Variants in ETS2 observed in about 807,000 individuals in gnomAD.
The protein encoded by ETS2 is protein C-ets-2.
Under a neutral mutation model 54.9 loss-of-function variants are expected in ETS2, and 19 were observed. That is an observed-to-expected ratio of 0.35 (90% CI 0.24 to 0.51). The LOEUF is 0.51. Ranked by LOEUF, ETS2 falls within the 20% of genes least tolerant of loss-of-function variation. ETS2 has a pLI of 0.97. For synonymous variants in ETS2, 219 were observed against 229.3 expected, an observed-to-expected ratio of 0.95 and a Z score of 0.41; for missense variants, 417 against 593.0, an observed-to-expected ratio of 0.70 and a Z score of 3.08.
In ETS2 at chr21:38,822,969, C is replaced by A; in HGVS notation, c.*80C>A. 8.8e-7 allele frequency: 1 copy of A among 1,135,016 alleles called. No homozygotes were observed. The highest frequency in any genetic ancestry group is 1.2e-6 in the Non-Finnish European group (1 of 830,312). 70.3% of individuals were successfully genotyped at this position (1,135,016 alleles called of 1,614,324 possible). On this transcript the variant is annotated 3_prime_UTR_variant, in exon 10 of 10. Coordinates refer to ENST00000360938, the MANE Select transcript of ETS2 (RefSeq NM_005239.6). ...CATCCTGACCAGCTGCTCCGAGGAC[C>A]CAGGAAAGGCAGGATTGAAAATGTC...
Position 38,805,998 on chromosome 21 carries a change from G to C in ETS2, c.-123G>C, listed in dbSNP as rs2060890712. The C allele has an allele frequency of 7.9e-7, 1 of 1,263,436 alleles. No individual in the cohort carries two copies. The highest frequency in any genetic ancestry group is 1.6e-5 in the African/African-American group (1 of 62,548). The allele number at this position is 1,263,436 out of a possible 1,614,324, so 78.3% of individuals were successfully genotyped here. A position where few individuals can be genotyped will look rare whatever the true frequency, so the allele number is the denominator to read the frequency against. On this transcript the variant is annotated 5_prime_UTR_variant, in exon 1 of 10. Coordinates refer to ENST00000360938, the MANE Select transcript of ETS2 (RefSeq NM_005239.6). This position sits in a 1 kb window ranked among gnomAD's most constrained non-coding sequence, Gnocchi z 5.2. Reference sequence around the variant, plus strand: ...CAGAGCTCCCGGAGCCGCCCGGCCAGCGTCCGGCCTCCCTGATCGTCTCTG... The same window carrying C: ...CAGAGCTCCCGGAGCCGCCCGGCCACCGTCCGGCCTCCCTGATCGTCTCTG...
At chr21:38,805,557 G>A, upstream of ETS2, 5 of 1,283,408 alleles carry the variant, frequency 3.9e-6, no homozygotes, top group Non-Finnish European at 5.1e-6. This position sits in a 1 kb window ranked among gnomAD's most constrained non-coding sequence, Gnocchi z 5.2. Context: ...CCCTGCTCCC[G>A]GGGCCTCAGG....
chr21:38,819,541 G>A lies in ETS2; in HGVS notation c.850G>A (p.Asp284Asn), dbSNP rs1320107796. ...CCACGACTCCCCTGAGAACGGTGCG[G>A]ACAGCTTCGAGAGCTCAGACTCCCT... is the stretch of plus-strand genomic sequence containing the variant. ...KDHDSPENGA[D>N]SFESSDSLLQ... Residue 284 changes from aspartate to asparagine, a missense_variant, in exon 8 of 10, where the codon GAC becomes AAC. Asp to Asn is a conservative substitution (Grantham distance 23). Transcript: ENST00000360938. 1 of 1,614,172 alleles carries A rather than the reference G, an allele frequency of 6.2e-7. No individual in the cohort carries two copies. Among genetic ancestry groups the A allele is most frequent in the Admixed American group, 1.7e-5 (1 of 60,028 alleles).
intron 2 of ETS2, among the ~76,000 whole-genome samples, chr21:38,811,708 A>G (rs1286781209): frequency 6.6e-6 from 1 of 152,264 alleles, no homozygotes; most frequent in Non-Finnish European, 1.5e-5. Context: ...AGATGCTCAG[A>G]AATCGAGTTA....
At chr21:38,819,251 G>C (rs1044481002) in intron 7 of ETS2, among the ~76,000 whole-genome samples, 1 of 152,202 alleles carries the variant, frequency 6.6e-6, no homozygotes, top group Non-Finnish European at 1.5e-5. Flanking sequence ...GCAGCCATGT[G>C]TTCTTTTTCA....
intron 5 of ETS2, among the ~76,000 whole-genome samples, chr21:38,815,847 G>A (rs2060930773): frequency 6.7e-6 from 1 of 150,130 alleles, no homozygotes. Flanking sequence ...GCCTGAGGCA[G>A]GAGAATCCCT....
intron 8 of ETS2, 58 bp downstream of exon 8, chr21:38,819,824 T>C: frequency 1.3e-6 from 2 of 1,535,196 alleles, no homozygotes; most frequent in Non-Finnish European, 1.8e-6. Context: ...GTCCCTTGCT[T>C]CCTTTCGAGC....
rs3065531 is a variant in ETS2, at chr21:38,815,175, A to AGTGTGTGTGTGTGTGT, written c.505+207_505+222dup. 2.5e-4 allele frequency among the ~76,000 whole-genome samples: 37 copies of AGTGTGTGTGTGTGTGT among 149,808 alleles called. 1 individual carries two copies. The highest frequency in any genetic ancestry group is 8.9e-4 in the African/African-American group (36 of 40,532). Reference sequence around the variant, plus strand: ...ATAGATTTTTATCCCACTTTATGTGAGTGTGTGTGTGTGTGTGTGTGTGTG... The same window carrying AGTGTGTGTGTGTGTGT: ...ATAGATTTTTATCCCACTTTATGTGAGTGTGTGTGTGTGTGTGTGTGTGTGTGTGTGTGTGTGTGTG... On this transcript the variant is annotated intron_variant, in intron 5 of 9. Coordinates refer to ENST00000360938, the MANE Select transcript of ETS2 (RefSeq NM_005239.6).
chr21:38,822,706 G>A lies in ETS2; in HGVS notation c.1227G>A (p.Lys409=). 3 of 1,614,082 alleles carry A rather than the reference G, an allele frequency of 1.9e-6. No homozygotes were observed. The highest frequency in any genetic ancestry group is 2.5e-6 in the Non-Finnish European group (3 of 1,180,006). ...VARRWGKRKN[K]PKMNYEKLSR... ...GCCGGTGGGGAAAGAGGAAAAATAA[G>A]CCCAAGATGAACTACGAGAAGCTGA... The change falls in exon 10 of 10, where the codon AAG becomes AAA. Residue 409 remains lysine (K), a synonymous_variant. Coordinates refer to ENST00000360938, the MANE Select transcript of ETS2 (RefSeq NM_005239.6).
At position 38,818,430 on chromosome 21, in the gene ETS2, G is replaced by A; in HGVS notation, c.595G>A (p.Gly199Ser). The A allele has an allele frequency of 6.2e-7, 1 of 1,614,054 alleles. No homozygotes were observed. The highest frequency in any genetic ancestry group is 1.1e-5 in the South Asian group (1 of 91,070). ...HWINSNTLGF[G>S]TEQAPYGMQT... ...GTCCGATTGTTCTGTTCCAGGTTTT[G>A]GCACAGAGCAGGCGCCCTATGGAAT... Residue 199 changes from glycine (G) to serine (S), a missense_variant, in exon 7 of 10, where the codon GGC (glycine) becomes AGC (serine). Around this residue, in one of 3 missense-constraint regions of ETS2, gnomAD observed 326 missense variants for 426.1 expected, o/e 0.76. Coordinates refer to ENST00000360938, the MANE Select transcript of ETS2 (RefSeq NM_005239.6).
intron 2 of ETS2, among the ~76,000 whole-genome samples, chr21:38,812,221 C>G (rs2060916436): frequency 6.6e-6 from 1 of 151,646 alleles, no homozygotes; most frequent in Non-Finnish European, 1.5e-5. Flanking sequence ...TTTGATTTTT[C>G]AGTGTTTATC....
intron 7 of ETS2, 68 bp downstream of exon 7, chr21:38,818,714 C>T: frequency 6.5e-7 from 1 of 1,546,772 alleles, no homozygotes; most frequent in African/African-American, 1.4e-5. Context: ...CCATAATGAA[C>T]CTCTTAATAA....
chr21:38,805,940 C>T lies in ETS2; in HGVS notation c.-181C>T, dbSNP rs2060890354. On this transcript the variant is annotated 5_prime_UTR_variant, in exon 1 of 10. Transcript: ENST00000360938. The surrounding 1 kb of genome is among the most constrained non-coding windows in gnomAD (Gnocchi z 5.2). The stretch of plus-strand genomic sequence containing the variant: ...GTGGGGGACGGCCCGGTTACTTCCT[C>T]CAGAGACTGACGAGTGCGGTGTCGC... 8 of 1,268,196 alleles carry T rather than the reference C, an allele frequency of 6.3e-6. No homozygotes were observed. The highest frequency in any genetic ancestry group is 8.2e-6 in the Non-Finnish European group (8 of 980,868). 78.6% of individuals were successfully genotyped at this position (1,268,196 alleles called of 1,614,324 possible). A position where few individuals can be genotyped will look rare whatever the true frequency, so the allele number is the denominator to read the frequency against.
At position 38,814,919 on chromosome 21, in the gene ETS2, T is replaced by A. The variant is rs1229721854; in HGVS notation, c.443T>A (p.Leu148Gln). Reference protein sequence around the residue: ...MLCNLGKERFLELAPDFVGDI... With the variant: ...MLCNLGKERFQELAPDFVGDI... ...TGTAACCTTGGCAAGGAACGCTTTCTGGAGCTGGCACCTGACTTTGTGGGT... is the reference window on the plus strand; with the variant it reads ...TGTAACCTTGGCAAGGAACGCTTTCAGGAGCTGGCACCTGACTTTGTGGGT... Residue 148 changes from leucine to glutamine, a missense_variant, in exon 5 of 10, where the codon CTG (leucine) becomes CAG (glutamine). Coordinates refer to ENST00000360938, the MANE Select transcript of ETS2 (RefSeq NM_005239.6). The surrounding 1 kb of genome is among the most constrained non-coding windows in gnomAD (Gnocchi z 4.2). 6.2e-7 allele frequency: 1 copy of A among 1,614,224 alleles called. No homozygotes were observed. Among genetic ancestry groups the A allele is most frequent in the Non-Finnish European group, 8.5e-7 (1 of 1,180,042 alleles).
intron 2 of ETS2, among the ~76,000 whole-genome samples, chr21:38,812,775 G>A (rs2060918640): frequency 1.5e-5 from 2 of 133,316 alleles, no homozygotes; most frequent in African/African-American, 5.4e-5. Context: ...AGTAAGACCT[G>A]TCTCAAAATA....
chr21:38,806,374 C>A lies in ETS2; in HGVS notation c.-1+254C>A. The A allele has an allele frequency of 3.0e-6, 3 of 984,510 alleles. No individual in the cohort carries two copies. The highest frequency in any genetic ancestry group is 3.6e-6 in the Non-Finnish European group (3 of 829,080). The allele number at this position is 984,510 out of a possible 1,614,324, so 61.0% of individuals were successfully genotyped here. A position where few individuals can be genotyped will look rare whatever the true frequency, so the allele number is the denominator to read the frequency against. On this transcript the variant is annotated intron_variant, in intron 1 of 9. Transcript: ENST00000360938. The surrounding 1 kb of genome is among the most constrained non-coding windows in gnomAD (Gnocchi z 4.3). Reference sequence around the variant, plus strand: ...CCGGGGGGTTCCTGCGTGCTAGGGCCGCTGTCTTCGGGGTCGCCTAGCGGC... The same window carrying A: ...CCGGGGGGTTCCTGCGTGCTAGGGCAGCTGTCTTCGGGGTCGCCTAGCGGC...
Position 38,817,061 on chromosome 21 carries a change from G to A in ETS2, c.559G>A (p.Val187Ile), listed in dbSNP as rs372145357. Reference sequence around the variant, plus strand: ...TGAAGAAAATTCACACCTCACCTCCGTTCCTCATTGGATTAACAGCAATAC... The same window carrying A: ...TGAAGAAAATTCACACCTCACCTCCATTCCTCATTGGATTAACAGCAATAC... ...QYEENSHLTS[V>I]PHWINSNTLG... The change falls in exon 6 of 10, where the codon GTT becomes ATT. Residue 187 changes from valine (V) to isoleucine (I), a missense_variant. Physicochemically the swap from Val to Ile is conservative, Grantham distance 29. Coordinates refer to ENST00000360938, the MANE Select transcript of ETS2 (RefSeq NM_005239.6). 26 of 1,612,012 alleles carry A rather than the reference G, an allele frequency of 1.6e-5. No individual in the cohort carries two copies. In the African/African-American group the frequency reaches 2.1e-4, roughly 13 times the overall value.
chr21:38,807,982 GAGC>G (rs898586768), intron 1 of ETS2, among the ~76,000 whole-genome samples: 3 of 152,204 alleles, frequency 2.0e-5, no homozygotes. Context: ...CTAGAGGAAG[GAGC>G]ATTTCACATT....
At position 38,823,095 on chromosome 21, in the gene ETS2, C is replaced by T; in HGVS notation, c.*206C>T. 2.3e-6 allele frequency: 1 copy of T among 431,094 alleles called. No individual in the cohort carries two copies. Among genetic ancestry groups the T allele is most frequent in the Non-Finnish European group, 4.1e-6 (1 of 245,322 alleles). 26.7% of individuals were successfully genotyped at this position (431,094 alleles called of 1,614,324 possible). On this transcript the variant is annotated 3_prime_UTR_variant, in exon 10 of 10. Coordinates refer to ENST00000360938, the MANE Select transcript of ETS2 (RefSeq NM_005239.6). Reference sequence around the variant, plus strand: ...CAGCAACGGCACAGCTAATTCTACTCACAGTGCTTTTAAGTGAAAATGGTC... The same window carrying T: ...CAGCAACGGCACAGCTAATTCTACTTACAGTGCTTTTAAGTGAAAATGGTC...
Sources: gnomAD v4.1 joint callset for allele counts (sites outside exome capture counted in the v4.1 genomes callset) on GRCh38, gnomAD v4.1.1 for gene constraint, gnomAD v4.1.1 regional missense constraint, Gnocchi (gnomAD v3.1) non-coding constraint, MANE v1.5 for transcripts, NCBI Gene and HGNC (gene_info 2026-07-23, HGNC 2026-07-21) for gene names.